The following NTM variants were observed in gnomAD, a reference collection of about 807,000 sequenced individuals.
NTM encodes the protein neurotrimin.
A neutral mutation model predicts 42.1 loss-of-function variants in NTM; 13 were observed. That is an observed-to-expected ratio of 0.31 (90% CI 0.20 to 0.49). NTM has a LOEUF of 0.49. NTM is among the 20% of genes least tolerant of loss of function. NTM has a pLI of 0.99. For synonymous variants in NTM, 187 were observed against 179.2 expected (o/e 1.04, Z -0.35); for missense variants, 373 against 452.8 (o/e 0.82, Z 1.60).
intron 2 of NTM, among the ~76,000 whole-genome samples, chr11:132,142,956 C>T (rs1341684754): frequency 6.6e-6 from 1 of 152,114 alleles, no homozygotes; most frequent in Non-Finnish European, 1.5e-5. Context: ...GAGATGCCCT[C>T]GTTGTGGGCA....
At chr11:131,598,751 C>CTTTCTTTT (rs2060094732) in intron 1 of NTM, among the ~76,000 whole-genome samples, 1 of 68,706 alleles carries the variant, frequency 1.5e-5, no homozygotes, top group African/African-American at 4.6e-5. Context: ...TTCTTTCTTT[C>CTTTCTTTT]TTTCTTCTTT....
intron 2 of NTM, among the ~76,000 whole-genome samples, chr11:132,023,972 C>A (rs2074792983): frequency 6.6e-6 from 1 of 151,876 alleles, no homozygotes; most frequent in African/African-American, 2.4e-5. Flanking sequence ...GTGTGTGCCA[C>A]CATGCCCAGC....
At chr11:131,580,295 C>G (rs1304610397) in intron 1 of NTM, among the ~76,000 whole-genome samples, 3 of 152,190 alleles carry the variant, frequency 2.0e-5, no homozygotes, top group African/African-American at 7.2e-5. Flanking sequence ...TCATTTCAGG[C>G]ATAACTCTCA....
intron 1 of NTM, among the ~76,000 whole-genome samples, chr11:131,466,534 T>G (rs1276590483): frequency 6.6e-6 from 1 of 152,192 alleles, no homozygotes; most frequent in African/African-American, 2.4e-5. Flanking sequence ...CCTGGGGTTG[T>G]GCAGGCTGTG....
At position 131,370,637 on chromosome 11, in the gene NTM, C is replaced by G; in HGVS notation, c.-170C>G. The G allele has an allele frequency of 1.6e-6, 1 of 611,466 alleles. No homozygotes were observed. Among genetic ancestry groups the G allele is most frequent in the Non-Finnish European group, 2.9e-6 (1 of 348,416 alleles). 37.9% of individuals were successfully genotyped at this position (611,466 alleles called of 1,614,324 possible). A position where few individuals can be genotyped will look rare whatever the true frequency, so the allele number is the denominator to read the frequency against. On this transcript the variant is annotated 5_prime_UTR_variant, in exon 1 of 9. The change creates a premature stop within an existing upstream ORF in the 5' untranslated region. Coordinates refer to ENST00000683400, the MANE Select transcript of NTM (RefSeq NM_001352005.2). ...GCCAGAGTATGAGTGGAGATAATTA[C>G]GGAGAAGTCATACTCTCTCACACCC...
At chr11:131,886,874 T>C (rs1003008057) in intron 1 of NTM, among the ~76,000 whole-genome samples, 2 of 152,226 alleles carry the variant, frequency 1.3e-5, no homozygotes, top group African/African-American at 4.8e-5. Flanking sequence ...TACTAAGACC[T>C]CTCATTGATA....
chr11:132,144,344 G>A (rs146746794), intron 2 of NTM, among the ~76,000 whole-genome samples: 1 of 152,270 alleles, frequency 6.6e-6, no homozygotes, highest in African/African-American at 2.4e-5. Context: ...TCCCCAGGGG[G>A]CTCATGTGCA....
intron 2 of NTM, among the ~76,000 whole-genome samples, chr11:131,973,823 A>G (rs1593302524): frequency 6.6e-6 from 1 of 152,146 alleles, no homozygotes; most frequent in African/African-American, 2.4e-5. Context: ...TCTGAGAAAA[A>G]CAACAACGAA....
intron 2 of NTM, chr11:131,984,647 G>T (rs2134985773): frequency 6.6e-6 from 1 of 152,296 alleles, no homozygotes; most frequent in Middle Eastern, 3.4e-3. Context: ...GTGTTTGGCA[G>T]TTGGTTTACA....
Position 132,327,092 on chromosome 11 carries a change from C to A in NTM, c.935-3061C>A, listed in dbSNP as rs116149556. On this transcript the variant is annotated intron_variant, in intron 7 of 8. Transcript: ENST00000683400. ...TGCAAACAAAACAGATTGCATGTCA[C>A]CTCTCCTATTAATATTTGGTGGTGC... is the stretch of plus-strand genomic sequence containing the variant. Among the ~76,000 whole-genome samples the A allele has an allele frequency of 8.8e-3, 1,336 of 152,322 alleles. 15 individuals carry two copies. The highest frequency in any genetic ancestry group is 0.031 in the African/African-American group (1,284 of 41,572).
intron 1 of NTM, among the ~76,000 whole-genome samples, chr11:131,746,112 AGTC>A (rs1310284046): frequency 1.3e-5 from 2 of 151,954 alleles, no homozygotes; most frequent in African/African-American, 4.8e-5. Flanking sequence ...TCTTTGTGGG[AGTC>A]GTCATCCTCT....
At chr11:132,132,109 C>CCT (rs949924305) in intron 2 of NTM, among the ~76,000 whole-genome samples, 1 of 152,128 alleles carries the variant, frequency 6.6e-6, no homozygotes, top group African/African-American at 2.4e-5. Context: ...TTCAAGTGCC[C>CCT]GAGGATACAT....
At position 131,789,554 on chromosome 11, in the gene NTM, AAGAAGAAGAAGAAG is replaced by A. The variant is rs2090295728; in HGVS notation, c.83-122008_83-121995del. Among the ~76,000 whole-genome samples the A allele has an allele frequency of 1.4e-4, 2 of 13,924 alleles. 1 individual carries two copies. Among genetic ancestry groups the A allele is most frequent in the Non-Finnish European group, 2.6e-4 (2 of 7,692 alleles). 9.1% of individuals were successfully genotyped at this position (13,924 alleles called of 152,430 possible). On this transcript the variant is annotated intron_variant, in intron 1 of 8. Coordinates refer to ENST00000683400, the MANE Select transcript of NTM (RefSeq NM_001352005.2). ...AGAAGAAGAAGAAGAAGAAAAGAAG[AAGAAGAAGAAGAAG>A]AAGAAGAAGAAGAAGAAGAAGAAGA...
At chr11:131,963,161 A>G (rs1180333280) in intron 2 of NTM, among the ~76,000 whole-genome samples, 1 of 152,240 alleles carries the variant, frequency 6.6e-6, no homozygotes, top group Admixed American at 6.5e-5. Context: ...TAGGCAAAAG[A>G]CTTTATTACT....
chr11:132,296,517 A>G (rs1440522865), intron 4 of NTM, among the ~76,000 whole-genome samples: 1 of 152,228 alleles, frequency 6.6e-6, no homozygotes, highest in Non-Finnish European at 1.5e-5. Flanking sequence ...TCATAAATAA[A>G]CAGCCACATT....
At chr11:131,597,920 C>T (rs1009497051) in intron 1 of NTM, among the ~76,000 whole-genome samples, 29 of 152,186 alleles carry the variant, frequency 1.9e-4, no homozygotes, top group Non-Finnish European at 8.8e-5. Flanking sequence ...GTCCATAGCC[C>T]ATTAGAAAAT....
intron 1 of NTM, among the ~76,000 whole-genome samples, chr11:131,790,960 C>T (rs558850802): frequency 4.3e-4 from 66 of 152,302 alleles, no homozygotes; most frequent in South Asian, 1.7e-3. Context: ...GCAGCAATAA[C>T]TACTACTAAT....
chr11:132,042,459 C>A (rs779119863), intron 2 of NTM, among the ~76,000 whole-genome samples: 1 of 152,152 alleles, frequency 6.6e-6, no homozygotes, highest in Non-Finnish European at 1.5e-5. Flanking sequence ...TGAGCCCAAC[C>A]TTTTCAATGT....
At chr11:132,313,124 C>T (rs1319686434) in intron 6 of NTM, among the ~76,000 whole-genome samples, 1 of 152,132 alleles carries the variant, frequency 6.6e-6, no homozygotes, top group Non-Finnish European at 1.5e-5. Context: ...TCTGTAATCC[C>T]ACAGAGACAG....
Sources: gnomAD v4.1 joint callset for allele counts (sites outside exome capture counted in the v4.1 genomes callset) on GRCh38, gnomAD v4.1.1 for gene constraint, MANE v1.5 for transcripts, NCBI Gene and HGNC (gene_info 2026-07-23, HGNC 2026-07-21) for gene names.